The following CEP85L variants were observed in gnomAD, a reference collection of about 807,000 sequenced individuals.
The protein encoded by CEP85L is centrosomal protein 85L.
CEP85L carries 60 observed loss-of-function variants against 100.3 expected under a neutral mutation model. The ratio of observed to expected loss-of-function variants is 0.60; its 90% confidence interval spans 0.49 to 0.74. The LOEUF (loss-of-function observed/expected upper bound fraction) is 0.74, where lower values mean the gene tolerates loss of function less well. Among genes scored for constraint, CEP85L ranks in the 30% least tolerant of loss-of-function variants. The pLI is 0.00. For synonymous variants in CEP85L, 319 were observed against 322.7 expected, an observed-to-expected ratio of 0.99 and a Z score of 0.12; for missense variants, 973 against 936.2, an observed-to-expected ratio of 1.04 and a Z score of -0.51.
rs1780546762 is a variant in CEP85L at position 118,581,043 on chromosome 6, A to T, written c.233-14727T>A. The stretch of plus-strand genomic sequence containing the variant: ...AGAGGAAACAGAAATCCTCTACATG[A>T]GGCACTTTTTTTAATGCTAACACTG... On this transcript the variant is annotated intron_variant, in intron 2 of 12. Coordinates refer to ENST00000368491, the MANE Select transcript of CEP85L (RefSeq NM_001042475.3). 2.6e-5 allele frequency among the ~76,000 whole-genome samples: 4 copies of T among 152,124 alleles called. No homozygotes were observed. In the South Asian group the frequency reaches 8.3e-4, roughly 32 times the overall value.
intron 2 of CEP85L, among the ~76,000 whole-genome samples, chr6:118,596,201 A>G (rs1781449845): frequency 6.6e-6 from 1 of 151,580 alleles, no homozygotes; most frequent in Non-Finnish European, 1.5e-5. Flanking sequence ...CAAAGACCAA[A>G]GGATAAAAAA....
intron 1 of CEP85L, among the ~76,000 whole-genome samples, chr6:118,648,427 A>C (rs1023750244): frequency 4.6e-5 from 7 of 151,918 alleles, no homozygotes; most frequent in African/African-American, 1.7e-4. Flanking sequence ...TTTAAAAAAA[A>C]ATTTCTTCTG....
chr6:118,707,331 C>G (rs752542234), intron 1 of CEP85L, among the ~76,000 whole-genome samples: 9 of 152,102 alleles, frequency 5.9e-5, no homozygotes, highest in African/African-American at 2.2e-4. Context: ...GTAGCTGGGA[C>G]TACAGGTGTG....
Position 118,566,099 on chromosome 6 carries a change from G to A in CEP85L, c.450C>T (p.Phe150=). 1 of 1,614,186 alleles carries A rather than the reference G, an allele frequency of 6.2e-7. No homozygotes were observed. Among genetic ancestry groups the A allele is most frequent in the Non-Finnish European group, 8.5e-7 (1 of 1,180,030 alleles). The change falls in exon 3 of 13, where the codon TTC becomes TTT. Residue 150 remains phenylalanine, a synonymous_variant. Transcript: ENST00000368491. ...EQDSSLDMKD[F]RPLRKWSSLS... ...AAGATGACCATTTCCGAAGTGGCCG[G>A]AAGTCCTTCATGTCTAGGGAAGAGT...
At chr6:118,519,081 C>G (rs1582961701) in intron 4 of CEP85L, among the ~76,000 whole-genome samples, 1 of 152,056 alleles carries the variant, frequency 6.6e-6, no homozygotes, top group East Asian at 1.9e-4. Flanking sequence ...TTTGATTGCA[C>G]TGTGGTCCGA....
rs1772206146 is a variant in CEP85L at position 118,461,052 on chromosome 6, C to A, written c.*4353G>T. 1 of 148,948 alleles carries A rather than the reference C, an allele frequency of 6.7e-6. No individual in the cohort carries two copies. The highest frequency in any genetic ancestry group is 1.5e-5 in the Non-Finnish European group (1 of 67,452). 9.2% of individuals were successfully genotyped at this position (148,948 alleles called of 1,614,324 possible). ...TTTTTTTTAAACAATAACTGTATTT[C>A]AATTAAGTCATGAACACTGTATTTA... On this transcript the variant is annotated 3_prime_UTR_variant, in exon 13 of 13. Coordinates refer to ENST00000368491, the MANE Select transcript of CEP85L (RefSeq NM_001042475.3).
intron 3 of CEP85L, among the ~76,000 whole-genome samples, chr6:118,527,354 C>T (rs1396337770): frequency 6.6e-6 from 1 of 152,054 alleles, no homozygotes; most frequent in Non-Finnish European, 1.5e-5. Context: ...TCGCTGTTTT[C>T]CTTCCCGCAC....
At chr6:118,520,901 CTT>C (rs1173050834) in intron 4 of CEP85L, among the ~76,000 whole-genome samples, 1 of 152,142 alleles carries the variant, frequency 6.6e-6, no homozygotes, top group African/African-American at 2.4e-5. Context: ...AATCTATACA[CTT>C]TTTCTCATGA....
Position 118,483,724 on chromosome 6 carries a change from T to C in CEP85L, c.1572A>G (p.Val524=), listed in dbSNP as rs1454785429. ...YLADLPTLDD[V]QSQSLQLQIL... ...ATGTTACCTGTAGACTCTGACTCTG[T>C]ACATCATCTAGAGTTGGAAGATCAG... Residue 524 remains valine, a synonymous_variant, in exon 7 of 13, where the codon GTA becomes GTG. Transcript: ENST00000368491. The C allele has an allele frequency of 1.9e-6, 3 of 1,613,254 alleles. No individual in the cohort carries two copies. In the African/African-American group the frequency reaches 4.0e-5, roughly 22 times the overall value.
intron 1 of CEP85L, among the ~76,000 whole-genome samples, chr6:118,692,463 G>A (rs1777075499): frequency 6.6e-6 from 1 of 152,162 alleles, no homozygotes; most frequent in Non-Finnish European, 1.5e-5. Context: ...CCTGAGGAGA[G>A]TGTTTCAAGC....
Position 118,558,820 on chromosome 6 carries a change from T to C in CEP85L, c.1020+6709A>G, listed in dbSNP as rs751500735. On this transcript the variant is annotated intron_variant, in intron 3 of 12. Coordinates refer to ENST00000368491, the MANE Select transcript of CEP85L (RefSeq NM_001042475.3). ...TCTAATCCATTTATTATTTTTACAT[T>C]CCAGGCTACCTAAAAGAAGACAGTT... 4.3e-5 allele frequency: 34 copies of C among 799,330 alleles called. No homozygotes were observed. Among genetic ancestry groups the C allele is most frequent in the African/African-American group, 1.0e-4 (6 of 59,102 alleles). The allele number at this position is 799,330 out of a possible 1,614,324, so 49.5% of individuals were successfully genotyped here. A position where few individuals can be genotyped will look rare whatever the true frequency, so the allele number is the denominator to read the frequency against.
Position 118,651,277 on chromosome 6 carries a change from G to T in CEP85L, c.-8C>A. 9.4e-6 allele frequency: 14 copies of T among 1,485,604 alleles called. No homozygotes were observed. The highest frequency in any genetic ancestry group is 1.3e-5 in the South Asian group (1 of 79,004). The allele number at this position is 1,485,604 out of a possible 1,614,324, so 92.0% of individuals were successfully genotyped here. On this transcript the variant is annotated 5_prime_UTR_variant, in exon 1 of 13. Transcript: ENST00000368491. ...CAGGAAGCGCCCCCACATCGCGGGC[G>T]AGAGGGCCGGGTGGGCCAGGGACGC...
At chr6:118,646,838 T>C (rs1583219960) in intron 1 of CEP85L, 1 of 656,190 alleles carries the variant, frequency 1.5e-6, no homozygotes, top group Non-Finnish European at 1.9e-6. Context: ...TGAAAAATCA[T>C]GACTCTCTCA....
intron 3 of CEP85L, chr6:118,559,117 A>G (rs1265237235): frequency 6.5e-7 from 1 of 1,530,876 alleles, no homozygotes; most frequent in Non-Finnish European, 9.1e-7. Flanking sequence ...AGCTTGCCAC[A>G]TCAGCTTAAA....
At chr6:118,687,820 G>A (rs1021673186) in intron 1 of CEP85L, among the ~76,000 whole-genome samples, 1 of 152,110 alleles carries the variant, frequency 6.6e-6, no homozygotes, top group Non-Finnish European at 1.5e-5. Context: ...GATCTGGCAG[G>A]GCACCTCCTG....
chr6:118,688,682 C>G lies in CEP85L; in HGVS notation c.-28+21354G>C, dbSNP rs186276722. 2.7e-4 allele frequency among the ~76,000 whole-genome samples: 41 copies of G among 152,322 alleles called. 1 individual carries two copies. The East Asian group carries it at 7.7e-3, about 29-fold the overall frequency. The stretch of plus-strand genomic sequence containing the variant: ...TGACAAATCATGGGCCAGATTTGGT[C>G]CTCACATCTATCTGTTTGATGTAGC... On this transcript the variant is annotated intron_variant, in intron 1 of 13. Coordinates refer to the CEP85L transcript ENST00000368488.
intron 5 of CEP85L, among the ~76,000 whole-genome samples, chr6:118,498,672 A>AGGC (rs1343006958): frequency 8.6e-5 from 13 of 151,694 alleles, no homozygotes; most frequent in African/African-American, 2.9e-4. Flanking sequence ...GGAGGGAGGG[A>AGGC]AGGAGGGAAA....
intron 6 of CEP85L, among the ~76,000 whole-genome samples, chr6:118,486,456 A>G (rs1434657250): frequency 6.6e-6 from 1 of 152,222 alleles, no homozygotes; most frequent in Non-Finnish European, 1.5e-5. Context: ...AAAGAACTCA[A>G]AGGTAACATT....
chr6:118,465,982 A>T (rs1010291604), intron 12 of CEP85L, among the ~76,000 whole-genome samples: 2 of 152,128 alleles, frequency 1.3e-5, no homozygotes, highest in African/African-American at 4.8e-5. Context: ...TACTGCCATG[A>T]AAATATTAAT....
Sources: allele counts gnomAD v4.1 joint callset (sites outside exome capture counted in the v4.1 genomes callset), GRCh38; gene constraint gnomAD v4.1.1; transcripts MANE v1.5; gene names NCBI Gene and HGNC (gene_info 2026-07-23, HGNC 2026-07-21).